The following UGT1A10 variants were observed in gnomAD, a reference collection of about 807,000 sequenced individuals.
UGT1A10 encodes the protein UDP glucuronosyltransferase family 1 member A10.
Under a neutral mutation model 45.8 loss-of-function variants are expected in UGT1A10, and 49 were observed. The ratio of observed to expected loss-of-function variants is 1.07; its 90% CI spans 0.85 to 1.36. The LOEUF (loss-of-function observed/expected upper bound fraction) is 1.36. UGT1A10 is among the 40% of genes most tolerant of loss of function. UGT1A10 has a pLI of 0.00. For missense variants in UGT1A10, 745 were observed against 668.6 expected (o/e 1.11, Z -1.26); for synonymous variants, 284 against 249.7 (o/e 1.14, Z -1.29).
chr2:233,759,589 C>T (rs1019080455), intron 1 of UGT1A10, among the ~76,000 whole-genome samples: 2 of 147,434 alleles, frequency 1.4e-5, no homozygotes, highest in Non-Finnish European at 3.0e-5. Flanking sequence ...CAGCACGCCC[C>T]CCACCCCCGA....
intron 1 of UGT1A10, chr2:233,713,552 T>G (rs917913178): frequency 1.9e-6 from 3 of 1,613,858 alleles, no homozygotes; most frequent in Non-Finnish European, 2.5e-6. Flanking sequence ...GCACACAGTG[T>G]CCAAACCCTT....
chr2:233,743,946 C>T, intron 1 of UGT1A10: 1 of 1,349,798 alleles, frequency 7.4e-7, no homozygotes, highest in South Asian at 1.2e-5. Flanking sequence ...CCACCAGGCA[C>T]TGGCACAGCG....
rs1279471770 is a variant in UGT1A10 at position 233,646,971 on chromosome 2, A to G, written c.855+9594A>G. The stretch of plus-strand genomic sequence containing the variant: ...AGACTAAGGAATTTACAAAAGACAG[A>G]GGTTTAATTGACTTAGAGTTCCACA... On this transcript the variant is annotated intron_variant, in intron 1 of 4. Transcript: ENST00000344644. 5.3e-5 allele frequency among the ~76,000 whole-genome samples: 8 copies of G among 152,338 alleles called. No individual in the cohort carries two copies. The South Asian group carries it at 8.3e-4, about 16-fold the overall frequency.
chr2:233,765,887 T>G (rs1279202147), intron 1 of UGT1A10, among the ~76,000 whole-genome samples: 1 of 152,030 alleles, frequency 6.6e-6, no homozygotes, highest in African/African-American at 2.4e-5. Flanking sequence ...ACTTTCTCAG[T>G]GCGCCACTGC....
intron 1 of UGT1A10, among the ~76,000 whole-genome samples, chr2:233,644,393 C>A (rs2073545073): frequency 6.6e-6 from 1 of 152,076 alleles, no homozygotes; most frequent in Non-Finnish European, 1.5e-5. Context: ...CATGGCGAAA[C>A]CCAATCTGTA....
At chr2:233,666,632 GTTTTTATT>G (rs2074080891) in intron 1 of UGT1A10, among the ~76,000 whole-genome samples, 1 of 151,074 alleles carries the variant, frequency 6.6e-6, no homozygotes, top group South Asian at 2.1e-4. Context: ...TTGTTTGTTT[GTTTTTATT>G]TTTTTATTTT....
intron 1 of UGT1A10, among the ~76,000 whole-genome samples, chr2:233,712,282 C>T (rs1209135273): frequency 6.6e-6 from 1 of 152,248 alleles, no homozygotes; most frequent in Non-Finnish European, 1.5e-5. Context: ...AGCAGCACCT[C>T]TTCTTCCATG....
chr2:233,702,368 C>T (rs1045977241), intron 1 of UGT1A10, among the ~76,000 whole-genome samples: 12 of 151,930 alleles, frequency 7.9e-5, no homozygotes, highest in African/African-American at 2.2e-4. Context: ...TAGTGGATTT[C>T]GTAGGATTTT....
Position 233,719,442 on chromosome 2 carries a change from C to A in UGT1A10, c.856-47592C>A, listed in dbSNP as rs1309137091. Reference sequence around the variant, plus strand: ...GACCAATTCAGACCACATGACATTCCTGCAAAGGGTCAAGAACATGCTCTA... The same window carrying A: ...GACCAATTCAGACCACATGACATTCATGCAAAGGGTCAAGAACATGCTCTA... On this transcript the variant is annotated intron_variant, in intron 1 of 4. Coordinates refer to ENST00000344644, the MANE Select transcript of UGT1A10 (RefSeq NM_019075.4). The A allele has an allele frequency of 1.5e-5, 25 of 1,613,838 alleles. No individual in the cohort carries two copies. The East Asian group carries it at 1.6e-4, about 10-fold the overall frequency.
At chr2:233,643,103 A>C (rs2125465863) in intron 1 of UGT1A10, among the ~76,000 whole-genome samples, 1 of 152,320 alleles carries the variant, frequency 6.6e-6, no homozygotes, top group African/African-American at 2.4e-5. Flanking sequence ...TCAGCAGGTG[A>C]TACAGCCAGC....
intron 1 of UGT1A10, among the ~76,000 whole-genome samples, chr2:233,697,785 G>A (rs143859460): frequency 1.6e-4 from 24 of 151,958 alleles, no homozygotes; most frequent in African/African-American, 4.1e-4. Context: ...ATTTTCATTC[G>A]TTTCAAGTAA....
Position 233,672,331 on chromosome 2 carries a change from T to A in UGT1A10, c.855+34954T>A, listed in dbSNP as rs762982966. 1 of 1,614,024 alleles carries A rather than the reference T, an allele frequency of 6.2e-7. No homozygotes were observed. The highest frequency in any genetic ancestry group is 1.3e-5 in the African/African-American group (1 of 74,926). ...CAGGAGTTTGTTTAAAGACAAAAAA[T>A]TAGTAGAATACTTAAAGGAGAGTTC... On this transcript the variant is annotated intron_variant, in intron 1 of 4. Coordinates refer to ENST00000344644, the MANE Select transcript of UGT1A10 (RefSeq NM_019075.4).
chr2:233,709,425 C>G (rs1055346708), intron 1 of UGT1A10, among the ~76,000 whole-genome samples: 2 of 152,122 alleles, frequency 1.3e-5, no homozygotes, highest in Admixed American at 6.5e-5. Flanking sequence ...AGAATGTCCT[C>G]CAGAAAGGAT....
chr2:233,640,375 A>T (rs1170641492), intron 1 of UGT1A10, among the ~76,000 whole-genome samples: 1 of 152,084 alleles, frequency 6.6e-6, no homozygotes, highest in Non-Finnish European at 1.5e-5. Flanking sequence ...TTGTCATTCC[A>T]TCATTGAATA....
At chr2:233,699,047 A>G (rs1251021035) in intron 1 of UGT1A10, among the ~76,000 whole-genome samples, 4 of 152,180 alleles carry the variant, frequency 2.6e-5, no homozygotes, top group Non-Finnish European at 1.5e-5. Context: ...ATGTCCTGAA[A>G]CAACTTATCC....
At position 233,760,169 on chromosome 2, in the gene UGT1A10, T is replaced by C. The variant is rs928164877; in HGVS notation, c.856-6865T>C. 1.4e-5 allele frequency: 21 copies of C among 1,529,168 alleles called. No homozygotes were observed. In the African/African-American group the frequency reaches 2.9e-4, roughly 21 times the overall value. 94.7% of individuals were successfully genotyped at this position (1,529,168 alleles called of 1,614,324 possible). A position where few individuals can be genotyped will look rare whatever the true frequency, so the allele number is the denominator to read the frequency against. On this transcript the variant is annotated intron_variant, in intron 1 of 4. Coordinates refer to ENST00000344644, the MANE Select transcript of UGT1A10 (RefSeq NM_019075.4). ...TGAACTCCCTGCTACCTTTGTGGACTGACAGCTTTTTATAGTCACGTGACA... is the reference window on the plus strand; with the variant it reads ...TGAACTCCCTGCTACCTTTGTGGACCGACAGCTTTTTATAGTCACGTGACA...
At chr2:233,698,151 C>A (rs2075427915) in intron 1 of UGT1A10, among the ~76,000 whole-genome samples, 1 of 152,160 alleles carries the variant, frequency 6.6e-6, no homozygotes, top group Non-Finnish European at 1.5e-5. Flanking sequence ...GTATTCCCAG[C>A]ATGTCGTCCT....
At chr2:233,646,120 A>G (rs1039586636) in intron 1 of UGT1A10, among the ~76,000 whole-genome samples, 8 of 152,178 alleles carry the variant, frequency 5.3e-5, no homozygotes, top group African/African-American at 1.7e-4. Context: ...CGGCACTTGC[A>G]CCTTCTGAAG....
Position 233,682,247 on chromosome 2 carries a change from A to C in UGT1A10, c.855+44870A>C, listed in dbSNP as rs758971346. ...TGCTCGCTGGACGGCACCATTGCGA[A>C]GTGCATTTTCTCTATTAACAAGTTC... On this transcript the variant is annotated intron_variant, in intron 1 of 4. Transcript: ENST00000344644. The C allele has an allele frequency of 1.9e-6, 3 of 1,614,214 alleles. No homozygotes were observed. The South Asian group carries it at 3.3e-5, about 18-fold the overall frequency.
Sources: allele counts gnomAD v4.1 joint callset (sites outside exome capture counted in the v4.1 genomes callset), GRCh38; gene constraint gnomAD v4.1.1; transcripts MANE v1.5; gene names NCBI Gene and HGNC (gene_info 2026-07-23, HGNC 2026-07-21).